The following ADAMTS6 variants were observed in gnomAD, a reference collection of about 807,000 sequenced individuals.
ADAMTS6 encodes A disintegrin and metalloproteinase with thrombospondin motifs 6.
In ADAMTS6, 23 loss-of-function variants were observed where a neutral mutation model predicts 144.3. That is an observed-to-expected ratio of 0.16 (90% CI 0.11 to 0.23). ADAMTS6 has a LOEUF of 0.23. Among genes scored for constraint, ADAMTS6 ranks in the 10% least tolerant of loss-of-function variants. The pLI, the probability that ADAMTS6 is intolerant of heterozygous loss-of-function variation, is 1.00. For synonymous variants in ADAMTS6, 444 were observed against 457.5 expected (o/e 0.97, Z 0.38); for missense variants, 999 against 1,379.6 (o/e 0.72, Z 4.37).
intron 6 of ADAMTS6, 136 bp downstream of exon 6, chr5:65,451,996 TG>T: frequency 4.4e-6 from 3 of 689,274 alleles, no homozygotes; most frequent in Non-Finnish European, 6.8e-6. Flanking sequence ...ATATTAAATG[TG>T]TAGAGCTAAA....
At chr5:65,411,438 G>A (rs1287542518) in intron 7 of ADAMTS6, among the ~76,000 whole-genome samples, 3 of 152,072 alleles carry the variant, frequency 2.0e-5, no homozygotes, top group African/African-American at 7.2e-5. Flanking sequence ...ATTTAGAAGT[G>A]GAAAAGTTTA....
chr5:65,329,831 A>C (rs1746542390), intron 8 of ADAMTS6, among the ~76,000 whole-genome samples: 1 of 152,126 alleles, frequency 6.6e-6, no homozygotes, highest in African/African-American at 2.4e-5. Flanking sequence ...AGAAAGCAAA[A>C]TATATCCACA....
chr5:65,320,822 T>C (rs1375171001), intron 9 of ADAMTS6, among the ~76,000 whole-genome samples: 1 of 152,186 alleles, frequency 6.6e-6, no homozygotes. Flanking sequence ...GTTCCTATGT[T>C]AGTTTGCTGA....
At chr5:65,387,894 A>G (rs1268597896) in intron 7 of ADAMTS6, among the ~76,000 whole-genome samples, 2 of 152,202 alleles carry the variant, frequency 1.3e-5, no homozygotes, top group African/African-American at 4.8e-5. Context: ...GTATGAGACT[A>G]AAGTAAATAA....
At chr5:65,339,691 T>C (rs1043900376) in intron 7 of ADAMTS6, among the ~76,000 whole-genome samples, 4 of 151,198 alleles carry the variant, frequency 2.6e-5, no homozygotes, top group Admixed American at 1.3e-4. Flanking sequence ...AATACTAGAA[T>C]AGAAGAATTA....
intron 22 of ADAMTS6, among the ~76,000 whole-genome samples, chr5:65,174,829 C>T (rs189893814): frequency 1.3e-3 from 202 of 152,082 alleles, no homozygotes; most frequent in African/African-American, 4.5e-3. Context: ...TGTTTTGTCT[C>T]GAAGAAGCAT....
At chr5:65,358,606 C>T (rs905418270) in intron 7 of ADAMTS6, among the ~76,000 whole-genome samples, 1 of 152,028 alleles carries the variant, frequency 6.6e-6, no homozygotes, top group African/African-American at 2.4e-5. Context: ...CTGAAGGCAT[C>T]GCACTACCTC....
chr5:65,192,736 T>C (rs1443399413), intron 21 of ADAMTS6, among the ~76,000 whole-genome samples: 1 of 151,830 alleles, frequency 6.6e-6, no homozygotes, highest in Non-Finnish European at 1.5e-5. Flanking sequence ...TTGACTACTA[T>C]ACTCTTTCTT....
chr5:65,159,643 G>A (rs1376914742), intron 24 of ADAMTS6, among the ~76,000 whole-genome samples: 2 of 152,150 alleles, frequency 1.3e-5, no homozygotes, highest in Admixed American at 6.5e-5. Flanking sequence ...GTCACTTCTT[G>A]CCACGCCTGG....
At chr5:65,395,787 C>CA (rs1349940084) in intron 7 of ADAMTS6, among the ~76,000 whole-genome samples, 2 of 151,966 alleles carry the variant, frequency 1.3e-5, no homozygotes, top group East Asian at 1.9e-4. Flanking sequence ...AAAGATATAC[C>CA]AAAAAAATCG....
chr5:65,160,729 C>G (rs149281239), intron 24 of ADAMTS6, among the ~76,000 whole-genome samples: 1 of 148,062 alleles, frequency 6.8e-6, no homozygotes. Flanking sequence ...CTCAGCTGAC[C>G]GCAACTTCTG....
chr5:65,271,471 G>A (rs898227772), intron 12 of ADAMTS6, among the ~76,000 whole-genome samples: 1 of 151,218 alleles, frequency 6.6e-6, no homozygotes, highest in Non-Finnish European at 1.5e-5. Flanking sequence ...AATTGTCTGA[G>A]AGTATTTCTA....
intron 20 of ADAMTS6, among the ~76,000 whole-genome samples, chr5:65,212,263 G>A (rs1305187412): frequency 6.6e-6 from 1 of 152,038 alleles, no homozygotes; most frequent in Admixed American, 6.6e-5. Flanking sequence ...CTCATTTGAA[G>A]AAGGCAATAG....
intron 18 of ADAMTS6, 62 bp from the exon 19 acceptor site, chr5:65,215,549 T>A (rs551038652): frequency 6.9e-7 from 1 of 1,440,440 alleles, no homozygotes; most frequent in Non-Finnish European, 9.5e-7. Flanking sequence ...GTGTCACTGA[T>A]TAATTACTGC....
At chr5:65,362,785 T>C (rs927622348) in intron 7 of ADAMTS6, among the ~76,000 whole-genome samples, 2 of 152,176 alleles carry the variant, frequency 1.3e-5, no homozygotes, top group Non-Finnish European at 2.9e-5. Context: ...GAGTTTAGTC[T>C]ACAATTTTCA....
chr5:65,149,178 G>C lies in ADAMTS6; in HGVS notation c.*2658C>G, dbSNP rs1267861442. The C allele has an allele frequency of 2.0e-5, 3 of 152,266 alleles. No individual in the cohort carries two copies. The highest frequency in any genetic ancestry group is 7.2e-5 in the African/African-American group (3 of 41,424). 9.4% of individuals were successfully genotyped at this position (152,266 alleles called of 1,614,324 possible). Reference sequence around the variant, plus strand: ...TGGCAGATACTGCTCCCAGGTGTAGGGTACCAGTTTCCCTGGGGTTCCCTA... The same window carrying C: ...TGGCAGATACTGCTCCCAGGTGTAGCGTACCAGTTTCCCTGGGGTTCCCTA... On this transcript the variant is annotated 3_prime_UTR_variant, in exon 25 of 25. Coordinates refer to ENST00000381055, the MANE Select transcript of ADAMTS6 (RefSeq NM_197941.4).
In ADAMTS6 at chr5:65,172,860, G is replaced by A; in HGVS notation, c.3059C>T (p.Pro1020Leu). 1 of 1,614,190 alleles carries A rather than the reference G, an allele frequency of 6.2e-7. No individual in the cohort carries two copies. Among genetic ancestry groups the A allele is most frequent in the South Asian group, 1.1e-5 (1 of 91,080 alleles). ...GCCCCAGTCTCCTGTGACCCAGCGA[G>A]GAGGAGGGCAGCGGCCCAAACTGCA... ...IRCSLGRCPP[P>L]RWVTGDWGQC... Residue 1020 changes from proline to leucine, a missense_variant, in exon 23 of 25, where the codon CCT (proline) becomes CTT (leucine). Coordinates refer to ENST00000381055, the MANE Select transcript of ADAMTS6 (RefSeq NM_197941.4).
At chr5:65,388,018 C>G (rs1364691893) in intron 7 of ADAMTS6, among the ~76,000 whole-genome samples, 1 of 43,966 alleles carries the variant, frequency 2.3e-5, no homozygotes, top group East Asian at 7.0e-4. Context: ...CAAGACCAGC[C>G]TGGCCAACGT....
chr5:65,434,462 T>C (rs1561538303), intron 7 of ADAMTS6, among the ~76,000 whole-genome samples: 1 of 152,168 alleles, frequency 6.6e-6, no homozygotes, highest in Non-Finnish European at 1.5e-5. Context: ...AATTGTATGG[T>C]GTATAAAGCT....
Sources: gnomAD v4.1 joint callset for allele counts (sites outside exome capture counted in the v4.1 genomes callset) on GRCh38, gnomAD v4.1.1 for gene constraint, MANE v1.5 for transcripts, NCBI Gene and HGNC (gene_info 2026-07-23, HGNC 2026-07-21) for gene names.